The following KMT2D variants were observed in gnomAD, a reference collection of about 807,000 sequenced individuals.
KMT2D encodes histone-lysine N-methyltransferase 2D.
In KMT2D, 55 loss-of-function variants were observed where a neutral mutation model predicts 512.7. The observed-to-expected ratio is 0.11, with a 90% CI of 0.09 to 0.13. The LOEUF (loss-of-function observed/expected upper bound fraction) is 0.13. Among genes scored for constraint, KMT2D ranks in the 10% least tolerant of loss-of-function variants. The pLI is 1.00. For synonymous variants in KMT2D, 2,995 were observed against 2,904.0 expected, an observed-to-expected ratio of 1.03 and a Z score of -1.01; for missense variants, 6,061 against 7,127.9, an observed-to-expected ratio of 0.85 and a Z score of 5.39.
At chr12:49,047,326 T>C (rs1055720139) in intron 15 of KMT2D, among the ~76,000 whole-genome samples, 1 of 151,950 alleles carries the variant, frequency 6.6e-6, no homozygotes, top group Non-Finnish European at 1.5e-5. Context: ...CACTGCCTCA[T>C]TGTGAATAGA....
In KMT2D at chr12:49,054,585, G is replaced by C. The variant is rs769800698; in HGVS notation, c.343C>G (p.Leu115Val). 1 of 1,613,158 alleles carries C rather than the reference G, an allele frequency of 6.2e-7. No individual in the cohort carries two copies. Among genetic ancestry groups the C allele is most frequent in the South Asian group, 1.1e-5 (1 of 90,906 alleles). Reference protein sequence around the residue: ...PNEAVLPSEDLSQIGFPEGLT... With the variant: ...PNEAVLPSEDVSQIGFPEGLT... ...CCCTCAGGGAAACCAATCTGTGATA[G>C]GTCCTCACTGGGCAGCACTGCCTCA... is the stretch of plus-strand genomic sequence containing the variant. The change falls in exon 4 of 55, where the codon CTA becomes GTA. Residue 115 changes from leucine (L) to valine (V), a missense_variant. Physicochemically the swap from Leu to Val is conservative, Grantham distance 32. Coordinates refer to ENST00000301067, the MANE Select transcript of KMT2D (RefSeq NM_003482.4). This position sits in a 1 kb window ranked among gnomAD's most constrained non-coding sequence, Gnocchi z 6.4.
Position 49,040,233 on chromosome 12 carries a change from C to T in KMT2D, c.7537G>A (p.Gly2513Arg), listed in dbSNP as rs756341340. ...AGELHAKVPS[G>R]QPPNFVRSPG... ...GACCGGACAAAATTGGGGGGCTGCC[C>T]ACTTGGGACCTTGGCATGGAGCTCA... Residue 2513 changes from glycine (G) to arginine (R), a missense_variant, in exon 32 of 55, where the codon GGG (glycine) becomes AGG (arginine). Physicochemically the swap from Gly to Arg is moderately radical, Grantham distance 125 (BLOSUM62 -2). Transcript: ENST00000301067. 2 of 1,612,842 alleles carry T rather than the reference C, an allele frequency of 1.2e-6. No homozygotes were observed. Among genetic ancestry groups the T allele is most frequent in the African/African-American group, 2.7e-5 (2 of 74,896 alleles).
In KMT2D at chr12:49,020,207, A is replaced by G. The variant is rs1942241139; in HGVS notation, c.*1573T>C. 1 of 176,918 alleles carries G rather than the reference A, an allele frequency of 5.7e-6. No homozygotes were observed. Among genetic ancestry groups the G allele is most frequent in the Non-Finnish European group, 1.2e-5 (1 of 82,268 alleles). 11.0% of individuals were successfully genotyped at this position (176,918 alleles called of 1,614,324 possible). ...GGGTCAGCTCTCTTTTGTGCGTTAT[A>G]ACATAGTCCAACTATACAACAGGGG... is the stretch of plus-strand genomic sequence containing the variant. On this transcript the variant is annotated 3_prime_UTR_variant, in exon 55 of 55. Coordinates refer to ENST00000301067, the MANE Select transcript of KMT2D (RefSeq NM_003482.4).
chr12:49,039,779 G>C lies in KMT2D; in HGVS notation c.7991C>G (p.Thr2664Ser), dbSNP rs767751306. 1 of 1,613,940 alleles carries C rather than the reference G, an allele frequency of 6.2e-7. No homozygotes were observed. The highest frequency in any genetic ancestry group is 8.5e-7 in the Non-Finnish European group (1 of 1,179,882). ...AAGGCCGGACATGCCTGGGTCCTGGGTACCTGGGAGTTCAGCTGTCGCCAA... is the reference window on the plus strand; with the variant it reads ...AAGGCCGGACATGCCTGGGTCCTGGCTACCTGGGAGTTCAGCTGTCGCCAA... Reference protein sequence around the residue: ...SSLATAELPGTQDPGMSGLSQ... With the variant: ...SSLATAELPGSQDPGMSGLSQ... The change falls in exon 32 of 55, where the codon ACC becomes AGC. Residue 2664 changes from threonine to serine, a missense_variant. By Grantham distance (58) the Thr-to-Ser change is moderately conservative. Transcript: ENST00000301067. The surrounding 1 kb of genome is among the most constrained non-coding windows in gnomAD (Gnocchi z 5.0).
Position 49,030,432 on chromosome 12 carries a change from A to C in KMT2D, c.13847T>G (p.Leu4616Arg). Residue 4616 changes from leucine (L) to arginine (R), a missense_variant, in exon 43 of 55, where the codon CTG becomes CGG. By Grantham distance (102) the Leu-to-Arg change is moderately radical. Coordinates refer to ENST00000301067, the MANE Select transcript of KMT2D (RefSeq NM_003482.4). ...CGAGGGTGGTGTCGGCGGGTTACTC[A>C]GGTTATTCTGAGGGGTGGGGGGTGG... ...YYSQLLTKNNLSNPPTPPSSL... is the reference protein window; with the variant it reads ...YYSQLLTKNNRSNPPTPPSSL... 2.2e-6 allele frequency: 2 copies of C among 923,140 alleles called. No homozygotes were observed. Among genetic ancestry groups the C allele is most frequent in the Non-Finnish European group, 2.9e-6 (2 of 689,528 alleles). 57.2% of individuals were successfully genotyped at this position (923,140 alleles called of 1,614,324 possible). A position where few individuals can be genotyped will look rare whatever the true frequency, so the allele number is the denominator to read the frequency against.
rs1465392610 is a variant in KMT2D at position 49,022,421 on chromosome 12, C to G, written c.16339-68G>C. ...AGAGTGGCAGTGGTGGCTGTGGGAT[C>G]AGGTAGGAGACTCAGGCAGTGGGGG... On this transcript the variant is annotated intron_variant, in intron 52 of 54. Transcript: ENST00000301067. This position sits in a 1 kb window ranked among gnomAD's most constrained non-coding sequence, Gnocchi z 8.6. 1.3e-6 allele frequency: 2 copies of G among 1,534,072 alleles called. No individual in the cohort carries two copies. Among genetic ancestry groups the G allele is most frequent in the Non-Finnish European group, 1.8e-6 (2 of 1,119,662 alleles).
intron 1 of KMT2D, among the ~76,000 whole-genome samples, chr12:49,056,248 C>A (rs898237398): frequency 6.6e-6 from 1 of 152,168 alleles, no homozygotes; most frequent in Admixed American, 6.5e-5. Context: ...CACAGCACAG[C>A]GGAGTAGCTT....
At position 49,021,421 on chromosome 12, in the gene KMT2D, G is replaced by A. The variant is rs977775624; in HGVS notation, c.*359C>T. On this transcript the variant is annotated 3_prime_UTR_variant, in exon 55 of 55. Transcript: ENST00000301067. ...TCAGTGGGAGCAGCAGGGCTGTGAGGCCCGGCCACACATCCTCTTCCCCCA... is the reference window on the plus strand; with the variant it reads ...TCAGTGGGAGCAGCAGGGCTGTGAGACCCGGCCACACATCCTCTTCCCCCA... The A allele has an allele frequency of 3.0e-6, 1 of 338,268 alleles. No individual in the cohort carries two copies. The highest frequency in any genetic ancestry group is 4.6e-5 in the East Asian group (1 of 21,552). The allele number at this position is 338,268 out of a possible 1,614,324, so 21.0% of individuals were successfully genotyped here. A position where few individuals can be genotyped will look rare whatever the true frequency, so the allele number is the denominator to read the frequency against.
Position 49,019,273 on chromosome 12 carries a change from A to G in KMT2D, c.*2507T>C. 2 of 610,458 alleles carry G rather than the reference A, an allele frequency of 3.3e-6. No individual in the cohort carries two copies. Among genetic ancestry groups the G allele is most frequent in the Non-Finnish European group, 4.2e-6 (2 of 473,074 alleles). 37.8% of individuals were successfully genotyped at this position (610,458 alleles called of 1,614,324 possible). A position where few individuals can be genotyped will look rare whatever the true frequency, so the allele number is the denominator to read the frequency against. ...AGCGATTTATTTTTTAAAAAGGGGG[A>G]GGGTCCTGGAGGTGAGGGGAGAAGA... On this transcript the variant is annotated 3_prime_UTR_variant, in exon 55 of 55. Transcript: ENST00000301067.
intron 6 of KMT2D, 23 bp downstream of exon 6, chr12:49,053,955 G>A (rs529271936): frequency 4.3e-6 from 7 of 1,609,938 alleles, no homozygotes; most frequent in South Asian, 1.1e-5. Flanking sequence ...TTTGCCCTAT[G>A]ACCAAAGATC....
At position 49,045,858 on chromosome 12, in the gene KMT2D, G is replaced by A. The variant is rs568578855; in HGVS notation, c.4741+62C>T. 12 of 1,336,336 alleles carry A rather than the reference G, an allele frequency of 9.0e-6. No individual in the cohort carries two copies. The East Asian group carries it at 2.5e-4, about 28-fold the overall frequency. 82.8% of individuals were successfully genotyped at this position (1,336,336 alleles called of 1,614,324 possible). ...AAGGAGATGAAGCTAGGGGGTTGGA[G>A]CTAGACTAGATGATGTCCGACGTCT... On this transcript the variant is annotated intron_variant, in intron 19 of 54. Coordinates refer to ENST00000301067, the MANE Select transcript of KMT2D (RefSeq NM_003482.4).
chr12:49,032,886 A>AGCT lies in KMT2D; in HGVS notation c.11816_11818dup (p.Gln3939dup). On this transcript the variant is annotated inframe_insertion, in exon 40 of 55. Transcript: ENST00000301067. ...AAGCTGTTGCTGCTGCTGTTGTTGAAGCTGCTGCTGCTGTTGCTGCTGTTG... is the reference window on the plus strand; with the variant it reads ...AAGCTGTTGCTGCTGCTGTTGTTGAAGCTGCTGCTGCTGCTGTTGCTGCTGTTG... The AGCT allele has an allele frequency of 6.5e-7, 1 of 1,548,266 alleles. No individual in the cohort carries two copies. Among genetic ancestry groups the AGCT allele is most frequent in the Non-Finnish European group, 8.7e-7 (1 of 1,146,378 alleles).
chr12:49,031,706 C>T lies in KMT2D; in HGVS notation c.12999G>A (p.Glu4333=), dbSNP rs767696694. ...CTGGATGGGTGGGAGGGAGCTGGGC[C>T]TCAGTGGGAAGCTGGGAGCTGGGGG... The part of the protein sequence containing the change: ...LPSPSSQLPT[E]AQLPPTHPGT... Residue 4333 remains glutamate (E), a synonymous_variant, in exon 40 of 55, where the codon GAG becomes GAA. Transcript: ENST00000301067. 1 of 1,612,800 alleles carries T rather than the reference C, an allele frequency of 6.2e-7. No individual in the cohort carries two copies. The highest frequency in any genetic ancestry group is 1.1e-5 in the South Asian group (1 of 90,802).
At position 49,038,249 on chromosome 12, in the gene KMT2D, G is replaced by A. The variant is rs1483799860; in HGVS notation, c.9107C>T (p.Pro3036Leu). 1 of 1,613,714 alleles carries A rather than the reference G, an allele frequency of 6.2e-7. No homozygotes were observed. The highest frequency in any genetic ancestry group is 1.3e-5 in the African/African-American group (1 of 74,912). Residue 3036 changes from proline to leucine, a missense_variant, in exon 35 of 55, where the codon CCC (proline) becomes CTC (leucine). Physicochemically the swap from Pro to Leu is moderately conservative, Grantham distance 98. Coordinates refer to ENST00000301067, the MANE Select transcript of KMT2D (RefSeq NM_003482.4). The surrounding 1 kb of genome is among the most constrained non-coding windows in gnomAD (Gnocchi z 5.7). ...TCCATTGAGCAGGTCATCCAAGTGG[G>A]GGTCATTGGTCTCCAGGTTTTCTAA... ...GTLENLETND[P>L]HLDDLLNGDE... is the part of the protein sequence containing the mutation.
intron 35 of KMT2D, chr12:49,035,711 C>G (rs1187911364): frequency 6.6e-6 from 1 of 152,224 alleles, no homozygotes; most frequent in Admixed American, 6.5e-5. Context: ...AGGTGCCCAC[C>G]ACCAAGCCCA....
rs1350507683 is a variant in KMT2D at position 49,044,563 on chromosome 12, A to G, written c.4964-41T>C. ...GAAGAGATGGAGGCAAATCAGAACT[A>G]TAGGCCCTTTTAACCTTGTCATCCT... On this transcript the variant is annotated intron_variant, in intron 20 of 54. Coordinates refer to ENST00000301067, the MANE Select transcript of KMT2D (RefSeq NM_003482.4). This position sits in a 1 kb window ranked among gnomAD's most constrained non-coding sequence, Gnocchi z 6.4. 2 of 1,607,398 alleles carry G rather than the reference A, an allele frequency of 1.2e-6. No individual in the cohort carries two copies. The highest frequency in any genetic ancestry group is 1.7e-6 in the Non-Finnish European group (2 of 1,176,496).
In KMT2D at chr12:49,033,760, C is replaced by T; in HGVS notation, c.10945G>A (p.Gly3649Ser). 1.9e-6 allele frequency: 3 copies of T among 1,611,854 alleles called. No homozygotes were observed. The highest frequency in any genetic ancestry group is 2.5e-6 in the Non-Finnish European group (3 of 1,179,132). Residue 3649 changes from glycine (G) to serine (S), a missense_variant, in exon 40 of 55, where the codon GGT becomes AGT. Transcript: ENST00000301067. ...AGGCGAAGACCTCCGGCTTGCCCAC[C>T]CGGAGGCCCCTGTGGTGGCTGCAGC... ...HGLQPPQGPP[G>S]GQAGGLRLTP...
At position 49,037,843 on chromosome 12, in the gene KMT2D, C is replaced by T. The variant is rs1188752026; in HGVS notation, c.9513G>A (p.Gly3171=). Residue 3171 remains glycine (G), a synonymous_variant, in exon 35 of 55, where the codon GGG becomes GGA. Coordinates refer to ENST00000301067, the MANE Select transcript of KMT2D (RefSeq NM_003482.4). ...MGSRDTRMGT[G]PFSSSGHTAE... ...CTGTGTGCCCACTGCTAGAAAATGG[C>T]CCTGTGCCCATCCGGGTATCCCGGC... The T allele has an allele frequency of 1.3e-6, 2 of 1,596,334 alleles. No homozygotes were observed. The highest frequency in any genetic ancestry group is 1.7e-5 in the Admixed American group (1 of 57,496).
chr12:49,044,126 G>T lies in KMT2D; in HGVS notation c.5188+74C>A. On this transcript the variant is annotated intron_variant, in intron 22 of 54. Transcript: ENST00000301067. The surrounding 1 kb of genome is among the most constrained non-coding windows in gnomAD (Gnocchi z 6.4). Reference sequence around the variant, plus strand: ...CTACCACCCTCTTGGCCCTTTCAATGAGTCCACCCCCTGGGTCTCTCTAGC... The same window carrying T: ...CTACCACCCTCTTGGCCCTTTCAATTAGTCCACCCCCTGGGTCTCTCTAGC... 1 of 1,584,310 alleles carries T rather than the reference G, an allele frequency of 6.3e-7. No homozygotes were observed. Among genetic ancestry groups the T allele is most frequent in the Non-Finnish European group, 8.6e-7 (1 of 1,162,090 alleles).
Sources: gnomAD v4.1 joint callset for allele counts (sites outside exome capture counted in the v4.1 genomes callset) on GRCh38, gnomAD v4.1.1 for gene constraint, Gnocchi (gnomAD v3.1) non-coding constraint, MANE v1.5 for transcripts, NCBI Gene and HGNC (gene_info 2026-07-23, HGNC 2026-07-21) for gene names.